The following C10orf90 variants were observed in gnomAD, a reference collection of about 807,000 sequenced individuals.
The protein encoded by C10orf90 is chromosome 10 open reading frame 90.
A neutral mutation model predicts 62.5 loss-of-function variants in C10orf90; 56 were observed. That is an observed-to-expected ratio of 0.90 (90% CI 0.72 to 1.12). The LOEUF (loss-of-function observed/expected upper bound fraction) is 1.12. Among genes scored for constraint, C10orf90 ranks in the 50% most tolerant of loss-of-function variants. C10orf90 has a pLI of 0.00. For synonymous variants in C10orf90, 386 were observed against 340.4 expected (o/e 1.13, Z -1.47); for missense variants, 970 against 880.4 (o/e 1.10, Z -1.29).
intron 2 of C10orf90, among the ~76,000 whole-genome samples, chr10:126,573,263 GA>G: frequency 6.6e-6 from 1 of 152,164 alleles, no homozygotes; most frequent in Admixed American, 6.5e-5. Context: ...GAACAGAACA[GA>G]ACAGGACAGG....
At chr10:126,449,723 G>A (rs1238619128) in intron 7 of C10orf90, among the ~76,000 whole-genome samples, 2 of 152,126 alleles carry the variant, frequency 1.3e-5, no homozygotes, top group Non-Finnish European at 2.9e-5. Context: ...GCGGGGCCAG[G>A]CGCGATGGCT....
At chr10:126,450,485 G>A (rs1376088862) in intron 7 of C10orf90, among the ~76,000 whole-genome samples, 3 of 152,076 alleles carry the variant, frequency 2.0e-5, no homozygotes, top group Non-Finnish European at 4.4e-5. Context: ...CATGGTGCTG[G>A]CATAAAAACA....
intron 2 of C10orf90, among the ~76,000 whole-genome samples, chr10:126,514,887 C>T (rs890145195): frequency 1.3e-5 from 2 of 152,092 alleles, no homozygotes; most frequent in African/African-American, 4.8e-5. Flanking sequence ...GAAGCAAGTC[C>T]AGGAAGAGGT....
intron 2 of C10orf90, among the ~76,000 whole-genome samples, chr10:126,597,994 C>T (rs1043085701): frequency 1.3e-5 from 2 of 152,158 alleles, no homozygotes; most frequent in African/African-American, 4.8e-5. Flanking sequence ...CCATGTTTTT[C>T]CACCCTCCCC....
chr10:126,590,739 T>G (rs1008203989), intron 2 of C10orf90, among the ~76,000 whole-genome samples: 1 of 151,920 alleles, frequency 6.6e-6, no homozygotes, highest in Admixed American at 6.6e-5. Flanking sequence ...GCTAGAAAGA[T>G]CTCAAATCAA....
chr10:126,513,969 T>C lies in C10orf90; in HGVS notation c.314-30A>G, dbSNP rs552461446. The C allele has an allele frequency of 1.5e-5, 22 of 1,475,958 alleles. No homozygotes were observed. In the East Asian group the frequency reaches 4.5e-4, roughly 30 times the overall value. The allele number at this position is 1,475,958 out of a possible 1,614,324, so 91.4% of individuals were successfully genotyped here. The stretch of plus-strand genomic sequence containing the variant: ...GCAAAAGAAGATAATATTGCTACTT[T>C]TTAGTATATAAAAGGATAAAATGGA... On this transcript the variant is annotated intron_variant, in intron 2 of 9. Transcript: ENST00000488181.
intron 7 of C10orf90, among the ~76,000 whole-genome samples, chr10:126,442,184 A>T (rs1290633422): frequency 6.6e-6 from 1 of 151,922 alleles, no homozygotes; most frequent in Non-Finnish European, 1.5e-5. Context: ...AAGGACTCAC[A>T]TAAACTTAAA....
chr10:126,538,986 C>T (rs1485026590), intron 2 of C10orf90, among the ~76,000 whole-genome samples: 1 of 152,196 alleles, frequency 6.6e-6, no homozygotes, highest in East Asian at 1.9e-4. Context: ...GGCTGATGGG[C>T]AAGAGATTTC....
intron 3 of C10orf90, among the ~76,000 whole-genome samples, chr10:126,511,654 A>G (rs1409925251): frequency 6.6e-6 from 1 of 152,102 alleles, no homozygotes; most frequent in African/African-American, 2.4e-5. Context: ...TACAAATTAC[A>G]AATAATTTAA....
chr10:126,623,856 A>G (rs1429117662), intron 2 of C10orf90, among the ~76,000 whole-genome samples: 3 of 151,438 alleles, frequency 2.0e-5, no homozygotes, highest in East Asian at 3.9e-4. Context: ...AAAAAAAAAA[A>G]AAGAATGAGA....
intron 1 of C10orf90, among the ~76,000 whole-genome samples, chr10:126,666,822 C>G (rs1330984294): frequency 6.6e-6 from 1 of 151,042 alleles, no homozygotes; most frequent in Non-Finnish European, 1.5e-5. Flanking sequence ...ACTAAAAGTA[C>G]AAAAAAAATT....
At chr10:126,625,103 A>G (rs1391770375) in intron 2 of C10orf90, among the ~76,000 whole-genome samples, 1 of 152,250 alleles carries the variant, frequency 6.6e-6, no homozygotes, top group Non-Finnish European at 1.5e-5. Flanking sequence ...GGACCCCAGC[A>G]TCTCCCCCAC....
intron 4 of C10orf90, among the ~76,000 whole-genome samples, chr10:126,495,228 G>T (rs1861978397): frequency 6.6e-6 from 1 of 152,160 alleles, no homozygotes; most frequent in Non-Finnish European, 1.5e-5. Context: ...TGCAGCATTG[G>T]ATGAGTGTGT....
chr10:126,600,040 A>T (rs1029510273), intron 2 of C10orf90, among the ~76,000 whole-genome samples: 2 of 152,250 alleles, frequency 1.3e-5, no homozygotes, highest in African/African-American at 4.8e-5. Context: ...TATTTCGATT[A>T]AAGCAGAGAG....
rs28409326 is a variant in C10orf90, at chr10:126,490,004, T to A, written c.1534+13953A>T. On this transcript the variant is annotated intron_variant, in intron 4 of 9. Transcript: ENST00000488181. The stretch of plus-strand genomic sequence containing the variant: ...ATATATATATAATATATATTATATA[T>A]TATATATATTATATATAATATATAA... Among the ~76,000 whole-genome samples the A allele has an allele frequency of 4.3e-5, 4 of 92,978 alleles. No individual in the cohort carries two copies. In the East Asian group the frequency reaches 8.9e-4, roughly 21 times the overall value. 61.0% of individuals were successfully genotyped at this position (92,978 alleles called of 152,430 possible). A position where few individuals can be genotyped will look rare whatever the true frequency, so the allele number is the denominator to read the frequency against.
intron 2 of C10orf90, among the ~76,000 whole-genome samples, chr10:126,558,608 G>A (rs543982358): frequency 1.4e-4 from 22 of 152,318 alleles, no homozygotes; most frequent in South Asian, 4.1e-4. Context: ...GAAGCCTCAG[G>A]AGGCCTTTCT....
chr10:126,436,640 T>C (rs1857936261), intron 7 of C10orf90, among the ~76,000 whole-genome samples: 2 of 152,262 alleles, frequency 1.3e-5, no homozygotes, highest in South Asian at 2.1e-4. Context: ...TCTGCACCCA[T>C]TGCGGGAGCA....
intron 7 of C10orf90, among the ~76,000 whole-genome samples, chr10:126,436,857 T>C (rs1054498009): frequency 6.6e-6 from 1 of 152,036 alleles, no homozygotes; most frequent in Non-Finnish European, 1.5e-5. Flanking sequence ...ATGGGGGTGG[T>C]CTCACTTTGT....
chr10:126,529,001 A>G (rs1564858624), intron 2 of C10orf90, among the ~76,000 whole-genome samples: 2 of 152,232 alleles, frequency 1.3e-5, no homozygotes, highest in Non-Finnish European at 2.9e-5. Context: ...CTACAGAAAT[A>G]AACAAAAACA....
Sources: gnomAD v4.1 joint callset for allele counts (sites outside exome capture counted in the v4.1 genomes callset) on GRCh38, gnomAD v4.1.1 for gene constraint, MANE v1.5 for transcripts, NCBI Gene and HGNC (gene_info 2026-07-23, HGNC 2026-07-21) for gene names.